Variants in CCSER2 observed in about 807,000 individuals in gnomAD.
CCSER2 encodes coiled-coil serine rich protein 2, also known as serine-rich coiled-coil domain-containing protein 2.
Under a neutral mutation model 92.3 loss-of-function variants are expected in CCSER2, and 46 were observed. That is an observed-to-expected ratio of 0.50 (90% CI 0.39 to 0.64). The LOEUF is 0.64. Among genes scored for constraint, CCSER2 ranks in the 30% least tolerant of loss-of-function variants. The probability of loss-of-function intolerance (pLI) is 0.00; values close to 1 mark genes in which losing one functional copy is unlikely to be tolerated. For missense variants in CCSER2, 1,244 were observed against 1,238.9 expected (o/e 1.00, Z -0.06); for synonymous variants, 433 against 431.4 (o/e 1.00, Z -0.04).
intron 8 of CCSER2, chr10:84,473,173 C>T (rs570311191): frequency 2.0e-5 from 3 of 151,900 alleles, no homozygotes; most frequent in East Asian, 3.9e-4. Context: ...TCTCTGTACT[C>T]GATATATTAA....
At chr10:84,456,992 G>T (rs1325226400) in intron 6 of CCSER2, among the ~76,000 whole-genome samples, 1 of 151,028 alleles carries the variant, frequency 6.6e-6, no homozygotes, top group East Asian at 1.9e-4. Context: ...TGTAAGTGAT[G>T]AAACAAATGG....
chr10:84,515,488 C>CTGGA lies in CCSER2; in HGVS notation c.*1223_*1226dup, dbSNP rs77899231. ...ACAGAGTCTTGCTCCATTGCCCAGG[C>CTGGA]TGGATTACAGTGGCGCAATCTCGGC... On this transcript the variant is annotated 3_prime_UTR_variant, in exon 10 of 10. Transcript: ENST00000372088. The CTGGA allele has an allele frequency of 0.099, 15,125 of 152,092 alleles. 952 individuals carry two copies. Among genetic ancestry groups the CTGGA allele is most frequent in the Admixed American group, 0.15 (2,296 of 15,270 alleles). The allele number at this position is 152,092 out of a possible 1,614,324, so 9.4% of individuals were successfully genotyped here.
chr10:84,428,985 G>GTATGTA (rs1554847404), intron 5 of CCSER2, among the ~76,000 whole-genome samples: 4 of 140,898 alleles, frequency 2.8e-5, no homozygotes, highest in Admixed American at 1.4e-4. Context: ...GTGTGTATGT[G>GTATGTA]TATATATATA....
At chr10:84,432,286 C>G (rs967800111) in intron 5 of CCSER2, among the ~76,000 whole-genome samples, 2 of 152,056 alleles carry the variant, frequency 1.3e-5, no homozygotes, top group Middle Eastern at 3.4e-3. Flanking sequence ...TGGGTACATA[C>G]GCAGGTTTGT....
intron 5 of CCSER2, among the ~76,000 whole-genome samples, chr10:84,430,160 C>T (rs1194377012): frequency 1.3e-5 from 2 of 152,012 alleles, no homozygotes. Flanking sequence ...AAGTAGTTTG[C>T]AGCTTAGGCA....
chr10:84,377,705 T>C (rs1846413958), intron 3 of CCSER2, among the ~76,000 whole-genome samples: 1 of 152,198 alleles, frequency 6.6e-6, no homozygotes, highest in African/African-American at 2.4e-5. Context: ...GCATTGAATT[T>C]ATAGATGATT....
chr10:84,450,480 A>G (rs988790746), intron 6 of CCSER2, among the ~76,000 whole-genome samples: 1 of 152,196 alleles, frequency 6.6e-6, no homozygotes, highest in African/African-American at 2.4e-5. Context: ...GTTGTGTTAT[A>G]AAATGTATTT....
intron 9 of CCSER2, among the ~76,000 whole-genome samples, chr10:84,511,274 C>T (rs1191305217): frequency 2.0e-5 from 3 of 152,008 alleles, no homozygotes; most frequent in South Asian, 4.2e-4. Context: ...GCTGTATTTC[C>T]GTTTATTTCT....
chr10:84,448,133 C>T (rs1055779149), intron 6 of CCSER2, among the ~76,000 whole-genome samples: 6 of 152,068 alleles, frequency 3.9e-5, no homozygotes, highest in Non-Finnish European at 7.3e-5. Flanking sequence ...TGGCCTGACA[C>T]TGCACATCAG....
At chr10:84,419,302 C>CA (rs1843020798) in intron 4 of CCSER2, among the ~76,000 whole-genome samples, 2 of 147,790 alleles carry the variant, frequency 1.4e-5, no homozygotes, top group Admixed American at 6.8e-5. Context: ...GTTAGATCAC[C>CA]AAAAAACGGG....
intron 3 of CCSER2, among the ~76,000 whole-genome samples, chr10:84,388,612 A>G (rs561841078): frequency 5.1e-4 from 77 of 152,168 alleles, no homozygotes; most frequent in Admixed American, 1.0e-3. Context: ...TGGCCTTCAG[A>G]TACTTTAATA....
chr10:84,419,705 A>T (rs1302721290), intron 4 of CCSER2, among the ~76,000 whole-genome samples: 1 of 152,222 alleles, frequency 6.6e-6, no homozygotes, highest in East Asian at 1.9e-4. Flanking sequence ...GAAAAAAATC[A>T]CAGGCAACAC....
intron 3 of CCSER2, chr10:84,391,236 C>G: frequency 7.7e-7 from 1 of 1,297,372 alleles, no homozygotes; most frequent in South Asian, 1.2e-5. Flanking sequence ...GGAAAACTTG[C>G]CCAAGCCATG....
At chr10:84,393,806 GT>G (rs1406301292) in intron 3 of CCSER2, 31 of 152,358 alleles carry the variant, frequency 2.0e-4, no homozygotes, top group African/African-American at 6.7e-4. Context: ...AAGGTATCAC[GT>G]GTCATAATAG....
intron 9 of CCSER2, among the ~76,000 whole-genome samples, chr10:84,497,257 G>T (rs1224710146): frequency 6.6e-6 from 1 of 152,224 alleles, no homozygotes; most frequent in African/African-American, 2.4e-5. Flanking sequence ...AAGGGGGCTG[G>T]ATAAGATTTT....
intron 6 of CCSER2, among the ~76,000 whole-genome samples, chr10:84,453,426 T>G (rs1245612689): frequency 6.6e-6 from 1 of 152,196 alleles, no homozygotes; most frequent in Non-Finnish European, 1.5e-5. Flanking sequence ...CATTTAAAAA[T>G]GTGAAAGCTT....
chr10:84,472,158 C>A (rs1278345828), intron 8 of CCSER2, among the ~76,000 whole-genome samples: 2 of 152,012 alleles, frequency 1.3e-5, no homozygotes, highest in African/African-American at 4.8e-5. Flanking sequence ...ATAGTAGTTG[C>A]AAATAGTCTT....
At chr10:84,355,412 AT>A (rs1845111066) in intron 1 of CCSER2, among the ~76,000 whole-genome samples, 2 of 151,828 alleles carry the variant, frequency 1.3e-5, no homozygotes, top group Non-Finnish European at 2.9e-5. Context: ...CAGTGTCTTT[AT>A]TTCTATTTAC....
rs546359008 is a variant in CCSER2 at position 84,466,269 on chromosome 10, G to A, written c.2148+2253G>A. Among the ~76,000 whole-genome samples the A allele has an allele frequency of 1.2e-4, 18 of 152,136 alleles. No individual in the cohort carries two copies. In the South Asian group the frequency reaches 3.3e-3, roughly 28 times the overall value. On this transcript the variant is annotated intron_variant, in intron 7 of 9. Transcript: ENST00000372088. ...TCAAATGACACAAATACTGCATCTC[G>A]TGCCATTAAAATTGTAGGATCTAAA... is the stretch of plus-strand genomic sequence containing the variant.
Sources: allele counts gnomAD v4.1 joint callset (sites outside exome capture counted in the v4.1 genomes callset), GRCh38; gene constraint gnomAD v4.1.1; transcripts MANE v1.5; gene names NCBI Gene and HGNC (gene_info 2026-07-23, HGNC 2026-07-21).